MICAL2: variants seen among roughly 807,000 people sequenced by gnomAD.
The protein encoded by MICAL2 is [F-actin]-monooxygenase MICAL2.
In MICAL2, 77 loss-of-function variants were observed where a neutral mutation model predicts 127.3. The observed-to-expected ratio is 0.60, with a 90% CI of 0.50 to 0.73. The LOEUF (loss-of-function observed/expected upper bound fraction) is 0.73. Ranked by LOEUF, MICAL2 falls within the 30% of genes least tolerant of loss-of-function variation. MICAL2 has a pLI of 0.00. For synonymous variants in MICAL2, 570 were observed against 551.1 expected (o/e 1.03, Z -0.48); for missense variants, 1,351 against 1,434.4 (o/e 0.94, Z 0.94).
At chr11:12,348,685 G>A (rs1382158674) in intron 32 of MICAL2, among the ~76,000 whole-genome samples, 2 of 152,198 alleles carry the variant, frequency 1.3e-5, no homozygotes, top group South Asian at 2.1e-4. Flanking sequence ...ACATAGCAGT[G>A]AAGATTGTGG....
At chr11:12,227,604 A>G (rs1857645039) in intron 15 of MICAL2, among the ~76,000 whole-genome samples, 1 of 152,202 alleles carries the variant, frequency 6.6e-6, no homozygotes, top group Non-Finnish European at 1.5e-5. Flanking sequence ...GGTCAACTTC[A>G]GGGCTATATT....
chr11:12,293,001 A>T (rs1408957285), downstream of MICAL2, among the ~76,000 whole-genome samples: 1 of 152,186 alleles, frequency 6.6e-6, no homozygotes, highest in Admixed American at 6.5e-5. Context: ...GAGGTTAAAA[A>T]GGGTCATTGA....
intron 33 of MICAL2, among the ~76,000 whole-genome samples, chr11:12,351,660 A>C (rs1939048125): frequency 6.6e-6 from 1 of 152,116 alleles, no homozygotes; most frequent in African/African-American, 2.4e-5. Flanking sequence ...CCCTGGGGTG[A>C]GAGTGAGGAA....
At chr11:12,186,743 C>T (rs1201390461) in intron 3 of MICAL2, among the ~76,000 whole-genome samples, 1 of 152,156 alleles carries the variant, frequency 6.6e-6, no homozygotes, top group Non-Finnish European at 1.5e-5. Flanking sequence ...GCTGAGTTGA[C>T]TCTGAACATA....
At chr11:12,317,754 T>G (rs1490734812) in intron 29 of MICAL2, among the ~76,000 whole-genome samples, 1 of 148,708 alleles carries the variant, frequency 6.7e-6, no homozygotes, top group African/African-American at 2.5e-5. Flanking sequence ...ATCATGCCAC[T>G]ACACTCCAGC....
intron 15 of MICAL2, among the ~76,000 whole-genome samples, chr11:12,233,021 C>T (rs1858506346): frequency 6.6e-6 from 1 of 152,176 alleles, no homozygotes; most frequent in Non-Finnish European, 1.5e-5. Context: ...ACCCATTAGT[C>T]ACCTTAGCTG....
At chr11:12,294,258 C>G (rs996787684), downstream of MICAL2, 4 of 1,614,126 alleles carry the variant, frequency 2.5e-6, no homozygotes, top group Non-Finnish European at 3.4e-6. Flanking sequence ...ATAGCCAATG[C>G]CATCCGAAGG....
intron 6 of MICAL2, among the ~76,000 whole-genome samples, chr11:12,211,222 A>C (rs1855416377): frequency 6.6e-6 from 1 of 152,144 alleles, no homozygotes; most frequent in Non-Finnish European, 1.5e-5. Flanking sequence ...TCTACTAAAA[A>C]CACAAAAAAT....
rs533244021 is a variant in MICAL2 at position 12,346,633 on chromosome 11, C to A, written c.5516-3205C>A. ...CTGTCTCCTCTCTGAGGCTTTCCCT[C>A]GCTTTCTCCACACACAATTAATTGC... On this transcript the variant is annotated intron_variant, in intron 32 of 34. Transcript: ENST00000646065. Among the ~76,000 whole-genome samples the A allele has an allele frequency of 2.6e-5, 4 of 152,298 alleles. No homozygotes were observed. The East Asian group carries it at 7.7e-4, about 29-fold the overall frequency.
At chr11:12,160,549 G>A (rs1001175108) in intron 2 of MICAL2, among the ~76,000 whole-genome samples, 7 of 152,126 alleles carry the variant, frequency 4.6e-5, no homozygotes, top group African/African-American at 9.7e-5. Context: ...CCACTGTCCC[G>A]CTCTTTCCAC....
chr11:12,212,809 G>T (rs923565418), intron 6 of MICAL2, among the ~76,000 whole-genome samples: 2 of 152,302 alleles, frequency 1.3e-5, no homozygotes, highest in South Asian at 2.1e-4. Flanking sequence ...AAGAAAATTT[G>T]TTAAAATCCC....
intron 3 of MICAL2, among the ~76,000 whole-genome samples, chr11:12,184,150 T>C (rs61875230): frequency 5.4e-4 from 82 of 152,328 alleles, no homozygotes; most frequent in Non-Finnish European, 9.3e-4. Context: ...AAAATGATAA[T>C]AGTCTCCAAC....
intron 33 of MICAL2, chr11:12,349,986 A>G: frequency 6.5e-7 from 1 of 1,530,430 alleles, no homozygotes; most frequent in Non-Finnish European, 9.0e-7. Context: ...CAAAGGGGCA[A>G]AGGGGGGTGG....
chr11:12,296,491 T>C (rs1863987161), downstream of MICAL2, among the ~76,000 whole-genome samples: 1 of 149,818 alleles, frequency 6.7e-6, no homozygotes, highest in African/African-American at 2.4e-5. Flanking sequence ...ATAGATTATT[T>C]AATAAACTAC....
downstream of MICAL2, among the ~76,000 whole-genome samples, chr11:12,290,622 G>T (rs535603997): frequency 6.6e-6 from 1 of 152,162 alleles, no homozygotes; most frequent in East Asian, 1.9e-4. Context: ...ATGGGGGTGC[G>T]GTAGTGGGAG....
chr11:12,113,173 A>G (rs1342129646), intron 1 of MICAL2, among the ~76,000 whole-genome samples: 1 of 152,244 alleles, frequency 6.6e-6, no homozygotes, highest in East Asian at 1.9e-4. Context: ...TTCATTCTTT[A>G]CATCATTCTA....
intron 2 of MICAL2, among the ~76,000 whole-genome samples, chr11:12,155,593 TCA>T (rs1179393759): frequency 6.6e-6 from 1 of 152,168 alleles, no homozygotes; most frequent in Non-Finnish European, 1.5e-5. Flanking sequence ...CATGAAATAA[TCA>T]CACATGGCAA....
At chr11:12,332,612 G>A (rs1938662525) in intron 32 of MICAL2, among the ~76,000 whole-genome samples, 1 of 152,148 alleles carries the variant, frequency 6.6e-6, no homozygotes, top group Non-Finnish European at 1.5e-5. Context: ...CAAACAGCAG[G>A]AACATCAGCT....
At chr11:12,115,390 G>A (rs1265402352) in intron 1 of MICAL2, among the ~76,000 whole-genome samples, 1 of 152,148 alleles carries the variant, frequency 6.6e-6, no homozygotes, top group Admixed American at 6.5e-5. Context: ...TCCAGTAATG[G>A]CCCTTCCCTG....
Sources: allele counts gnomAD v4.1 joint callset (sites outside exome capture counted in the v4.1 genomes callset), GRCh38; gene constraint gnomAD v4.1.1; transcripts MANE v1.5; gene names NCBI Gene and HGNC (gene_info 2026-07-23, HGNC 2026-07-21).